The following ARSK variants were observed in gnomAD, a reference collection of about 807,000 sequenced individuals.
ARSK encodes the protein arylsulfatase family member K, also known as arylsulfatase K.
ARSK carries 37 observed loss-of-function variants against 53.2 expected under a neutral mutation model. The ratio of observed to expected loss-of-function variants is 0.70; its 90% confidence interval spans 0.54 to 0.92. The LOEUF is 0.92. Among genes scored for constraint, ARSK ranks in the 40% least tolerant of loss-of-function variants. ARSK has a pLI of 0.00. For synonymous variants in ARSK, 208 were observed against 223.2 expected, an observed-to-expected ratio of 0.93 and a Z score of 0.61; for missense variants, 613 against 643.0, an observed-to-expected ratio of 0.95 and a Z score of 0.51.
intron 3 of ARSK, among the ~76,000 whole-genome samples, chr5:95,575,463 G>A (rs1748910140): frequency 6.6e-6 from 1 of 152,116 alleles, no homozygotes; most frequent in African/African-American, 2.4e-5. Context: ...ATTGCTTTCA[G>A]TAGTATGGAC....
intron 3 of ARSK, among the ~76,000 whole-genome samples, chr5:95,582,108 A>G (rs1032099495): frequency 6.6e-6 from 1 of 152,072 alleles, no homozygotes; most frequent in Non-Finnish European, 1.5e-5. Flanking sequence ...TTTTTAAAAC[A>G]CTTTTCTCAA....
intron 1 of ARSK, among the ~76,000 whole-genome samples, chr5:95,560,194 A>C (rs754236331): frequency 6.6e-5 from 10 of 152,234 alleles, no homozygotes; most frequent in Non-Finnish European, 1.2e-4. Context: ...ATTTAAATAA[A>C]TGAACAGACA....
chr5:95,599,342 A>G (rs920884670), intron 6 of ARSK, among the ~76,000 whole-genome samples: 2 of 152,214 alleles, frequency 1.3e-5, no homozygotes, highest in African/African-American at 4.8e-5. Context: ...AGAACTTGCC[A>G]TAGTCATGAG....
intron 6 of ARSK, among the ~76,000 whole-genome samples, chr5:95,596,652 T>C (rs911455434): frequency 3.3e-5 from 5 of 152,108 alleles, no homozygotes; most frequent in Admixed American, 2.0e-4. Context: ...TCCTCCTCAC[T>C]TCCATTCTGT....
chr5:95,595,618 G>A (rs1749294556), intron 6 of ARSK, among the ~76,000 whole-genome samples: 1 of 151,070 alleles, frequency 6.6e-6, no homozygotes, highest in Non-Finnish European at 1.5e-5. Flanking sequence ...ACTAAACATT[G>A]GTTACTCATG....
chr5:95,561,780 G>A (rs970320507), intron 1 of ARSK, among the ~76,000 whole-genome samples: 2 of 152,144 alleles, frequency 1.3e-5, no homozygotes, highest in Admixed American at 1.3e-4. Flanking sequence ...ATGTCTTTTG[G>A]GGATGATGAG....
chr5:95,604,118 G>A lies in ARSK; in HGVS notation c.*592G>A, dbSNP rs967415584. 6 of 152,028 alleles carry A rather than the reference G, an allele frequency of 3.9e-5. No homozygotes were observed. The highest frequency in any genetic ancestry group is 1.4e-4 in the African/African-American group (6 of 41,394). The allele number at this position is 152,028 out of a possible 1,614,324, so 9.4% of individuals were successfully genotyped here. A position where few individuals can be genotyped will look rare whatever the true frequency, so the allele number is the denominator to read the frequency against. ...CAGTTATGTTCCTTTAAATAATAGA[G>A]AATATAAAATATTGTAATAATATGT... On this transcript the variant is annotated 3_prime_UTR_variant, in exon 8 of 8. Coordinates refer to ENST00000380009, the MANE Select transcript of ARSK (RefSeq NM_198150.3).
chr5:95,574,533 G>T (rs1748889129), intron 3 of ARSK, among the ~76,000 whole-genome samples: 1 of 152,056 alleles, frequency 6.6e-6, no homozygotes. Context: ...TTGGATAAAA[G>T]CCATTTTAGC....
rs774303564 is a variant in ARSK, at chr5:95,586,706, A to G, written c.844A>G (p.Met282Val). 5 of 1,609,540 alleles carry G rather than the reference A, an allele frequency of 3.1e-6. No individual in the cohort carries two copies. The highest frequency in any genetic ancestry group is 4.2e-6 in the Non-Finnish European group (5 of 1,178,178). Residue 282 changes from methionine to valine, a missense_variant, in exon 5 of 8, where the codon ATG (methionine) becomes GTG (valine). Transcript: ENST00000380009. ...IKNIRAFYYAMCAETDAMLGE... is the reference protein window; with the variant it reads ...IKNIRAFYYAVCAETDAMLGE... ...GAATATTAGAGCATTTTATTATGCT[A>G]TGTGTGCTGAGACAGATGCCATGCT...
At chr5:95,585,787 C>G (rs776037001) in intron 4 of ARSK, among the ~76,000 whole-genome samples, 1 of 151,980 alleles carries the variant, frequency 6.6e-6, no homozygotes, top group South Asian at 2.1e-4. Flanking sequence ...TGCAACCACG[C>G]CTGTTCCCCA....
chr5:95,602,887 A>T (rs1749426895), intron 7 of ARSK, among the ~76,000 whole-genome samples: 1 of 152,212 alleles, frequency 6.6e-6, no homozygotes, highest in African/African-American at 2.4e-5. Flanking sequence ...CAGTATAAGC[A>T]TTACTGTATT....
chr5:95,589,520 C>T (rs1435495487), intron 5 of ARSK, among the ~76,000 whole-genome samples: 1 of 152,196 alleles, frequency 6.6e-6, no homozygotes, highest in Non-Finnish European at 1.5e-5. Context: ...TAAGTGAGAA[C>T]ATGCAGTGTT....
intron 7 of ARSK, among the ~76,000 whole-genome samples, chr5:95,602,131 G>A (rs1749411078): frequency 1.3e-5 from 2 of 152,120 alleles, no homozygotes; most frequent in Admixed American, 1.3e-4. Context: ...GACAAAGAAA[G>A]TAACACTATA....
At chr5:95,592,872 T>A (rs1749242879) in intron 6 of ARSK, among the ~76,000 whole-genome samples, 1 of 152,150 alleles carries the variant, frequency 6.6e-6, no homozygotes, top group Admixed American at 6.6e-5. Flanking sequence ...TAATCTCTTC[T>A]GTTTCTTAGT....
At chr5:95,593,415 T>G (rs113761656) in intron 6 of ARSK, among the ~76,000 whole-genome samples, 1 of 152,206 alleles carries the variant, frequency 6.6e-6, no homozygotes, top group African/African-American at 2.4e-5. Flanking sequence ...TATTCAATTC[T>G]TAGACATTCT....
intron 3 of ARSK, among the ~76,000 whole-genome samples, chr5:95,575,421 G>A (rs1232100361): frequency 6.6e-6 from 1 of 152,048 alleles, no homozygotes; most frequent in East Asian, 1.9e-4. Context: ...AATGTTATTG[G>A]TATTTTGATA....
chr5:95,602,566 T>C (rs934018679), intron 7 of ARSK, among the ~76,000 whole-genome samples: 1 of 152,216 alleles, frequency 6.6e-6, no homozygotes, highest in African/African-American at 2.4e-5. Context: ...AAGTTAATTG[T>C]CATAAGATCT....
intron 3 of ARSK, among the ~76,000 whole-genome samples, chr5:95,568,946 G>A (rs1255546298): frequency 2.0e-5 from 3 of 152,204 alleles, no homozygotes; most frequent in Non-Finnish European, 4.4e-5. Flanking sequence ...CACTTCACAT[G>A]TGTCGTCGCA....
chr5:95,591,328 G>T (rs1580228904), intron 5 of ARSK, 73 bp from the exon 6 acceptor site: 3 of 1,265,634 alleles, frequency 2.4e-6, no homozygotes, highest in Admixed American at 3.5e-5. Flanking sequence ...GGGTAGAGTG[G>T]TTATAAACTT....
Sources: allele counts gnomAD v4.1 joint callset (sites outside exome capture counted in the v4.1 genomes callset), GRCh38; gene constraint gnomAD v4.1.1; transcripts MANE v1.5; gene names NCBI Gene and HGNC (gene_info 2026-07-23, HGNC 2026-07-21).